Variants in IGFALS observed in about 807,000 individuals in gnomAD.
The protein encoded by IGFALS is insulin like growth factor binding protein acid labile subunit.
IGFALS carries 2 observed loss-of-function variants against 2.6 expected under a neutral mutation model. The ratio of observed to expected loss-of-function variants is 0.77; its 90% CI spans 0.32 to 2.44. IGFALS has a LOEUF of 2.44. IGFALS is among the 30% of genes most tolerant of loss of function. The pLI is 0.11. For synonymous variants in IGFALS, 519 were observed against 431.9 expected (o/e 1.20, Z -2.50); for missense variants, 996 against 848.7 (o/e 1.17, Z -2.16).
upstream of IGFALS, among the ~76,000 whole-genome samples, chr16:1,794,470 G>A (rs910112617): frequency 4.6e-5 from 7 of 152,156 alleles, no homozygotes; most frequent in African/African-American, 1.2e-4. Context: ...AGGCTCTGGT[G>A]AGGGCCTGGC....
At chr16:1,793,396 C>T (rs565704663) in intron 1 of IGFALS, among the ~76,000 whole-genome samples, 4 of 152,214 alleles carry the variant, frequency 2.6e-5, no homozygotes, top group South Asian at 4.1e-4. Flanking sequence ...TCCCCTGTGC[C>T]GCCGCCAGCG....
rs372565928 is a variant in IGFALS, at chr16:1,790,953, C to T, written c.1465G>A (p.Val489Ile). The part of the protein sequence containing the change: ...GPLQRAFWLD[V>I]SHNRLEALPN... ...AATGCCTCCAGGCGGTTGTGCGAGACGTCCAGCCAGAAGGCCCGCTGCAGG... is the reference window on the plus strand; with the variant it reads ...AATGCCTCCAGGCGGTTGTGCGAGATGTCCAGCCAGAAGGCCCGCTGCAGG... Residue 489 changes from valine to isoleucine, a missense_variant, in exon 2 of 2, where the codon GTC (valine) becomes ATC (isoleucine). Physicochemically the swap from Val to Ile is conservative, Grantham distance 29. Coordinates refer to ENST00000215539, the MANE Select transcript of IGFALS (RefSeq NM_004970.3). The T allele has an allele frequency of 1.3e-4, 208 of 1,595,970 alleles. No individual in the cohort carries two copies. The highest frequency in any genetic ancestry group is 1.7e-4 in the Middle Eastern group (1 of 5,760).
chr16:1,794,270 C>T (rs2575350), upstream of IGFALS, among the ~76,000 whole-genome samples: 3 of 152,184 alleles, frequency 2.0e-5, no homozygotes, highest in African/African-American at 4.8e-5. Flanking sequence ...CTGCCTCTCC[C>T]GTGACCCCAG....
chr16:1,791,999 C>G lies in IGFALS; in HGVS notation c.419G>C (p.Gly140Ala), dbSNP rs1430144646. Residue 140 changes from glycine (G) to alanine (A), a missense_variant, in exon 2 of 2, where the codon GGC (glycine) becomes GCC (alanine). Transcript: ENST00000215539. ...CAGCGCGGGCGTGTGTGCAAACGTG[C>G]CGAGTGCCAGGCTGCGCAGCTGGTT... ...ERNQLRSLAL[G>A]TFAHTPALAS... 6.2e-7 allele frequency: 1 copy of G among 1,608,528 alleles called. No homozygotes were observed. The highest frequency in any genetic ancestry group is 2.2e-5 in the East Asian group (1 of 44,758).
In IGFALS at chr16:1,791,190, A is replaced by G; in HGVS notation, c.1228T>C (p.Ser410Pro). 6.2e-7 allele frequency: 1 copy of G among 1,607,572 alleles called. No individual in the cohort carries two copies. The highest frequency in any genetic ancestry group is 8.5e-7 in the Non-Finnish European group (1 of 1,179,842). ...RIRPHTFTGL[S>P]GLRRLFLKDN... The stretch of plus-strand genomic sequence containing the variant: ...TTGAGGAAGAGTCGGCGGAGCCCCG[A>G]GAGGCCGGTGAAGGTGTGCGGGCGG... Residue 410 changes from serine (S) to proline (P), a missense_variant, in exon 2 of 2, where the codon TCG (serine) becomes CCG (proline). By Grantham distance (74) the Ser-to-Pro change is moderately conservative (BLOSUM62 -1). Transcript: ENST00000215539.
rs576120646 is a variant in IGFALS, at chr16:1,792,205, T to C, written c.213A>G (p.Gly71=). The change falls in exon 2 of 2, where the codon GGA becomes GGG. Residue 71 remains glycine (G), a synonymous_variant. Transcript: ENST00000215539. ...SSRNLTRLPD[G]VPGGTQALWL... Reference sequence around the variant, plus strand: ...ACAGGGCTTGGGTGCCGCCCGGGACTCCATCAGGCAGGCGCGTGAGGTTCC... The same window carrying C: ...ACAGGGCTTGGGTGCCGCCCGGGACCCCATCAGGCAGGCGCGTGAGGTTCC... The C allele has an allele frequency of 6.2e-7, 1 of 1,610,256 alleles. No individual in the cohort carries two copies. The highest frequency in any genetic ancestry group is 2.2e-5 in the East Asian group (1 of 44,842).
Position 1,792,247 on chromosome 16 carries a change from G to A in IGFALS, c.171C>T (p.Ser57=), listed in dbSNP as rs781635904. 1.9e-5 allele frequency: 31 copies of A among 1,603,624 alleles called. No individual in the cohort carries two copies. Among genetic ancestry groups the A allele is most frequent in the Admixed American group, 1.5e-4 (9 of 59,972 alleles). The part of the protein sequence containing the change: ...CSYDDDADEL[S]VFCSSRNLTR... ...TGAGGTTCCTGGAGCTGCAGAAGAC[G>A]CTGAGCTCATCCGCGTCGTCATCGT... The change falls in exon 2 of 2, where the codon AGC becomes AGT. Residue 57 remains serine (S), a synonymous_variant. Transcript: ENST00000215539.
Position 1,790,856 on chromosome 16 carries a change from A to G in IGFALS, c.1562T>C (p.Phe521Ser), listed in dbSNP as rs1897204699. 1 of 1,567,004 alleles carries G rather than the reference A, an allele frequency of 6.4e-7. No individual in the cohort carries two copies. The change falls in exon 2 of 2, where the codon TTC (phenylalanine) becomes TCC (serine). Residue 521 changes from phenylalanine (F) to serine (S), a missense_variant. By Grantham distance (155) the Phe-to-Ser change is radical. Transcript: ENST00000215539. ...LSLRNNSLRTFTPQPPGLERL... is the reference protein window; with the variant it reads ...LSLRNNSLRTSTPQPPGLERL... ...CTCCAGGCCCGGGGGCTGCGGCGTG[A>G]AGGTCCGCAGTGAGTTGTTCCTGAG... is the stretch of plus-strand genomic sequence containing the variant.
upstream of IGFALS, chr16:1,794,904 G>T (rs1478898586): frequency 2.8e-6 from 2 of 702,286 alleles, no homozygotes. Flanking sequence ...CCTTTATCGA[G>T]AATTGATCAT....
chr16:1,792,502 C>T (rs1407836750), intron 1 of IGFALS, 101 bp from the exon 2 acceptor site: 1 of 1,437,836 alleles, frequency 7.0e-7, no homozygotes, highest in Non-Finnish European at 9.1e-7. Flanking sequence ...TGAACTGAGG[C>T]TCGAGGTCAC....
chr16:1,792,123 T>C lies in IGFALS; in HGVS notation c.295A>G (p.Ser99Gly), dbSNP rs1226535830. The stretch of plus-strand genomic sequence containing the variant: ...CCCTGCAGGTTGAGGAAGCCCAGGC[T>C]GGAGAGGTTCTGGAAGGCTGCCGGG... ...VPPAAFQNLS[S>G]LGFLNLQGGQ... The change falls in exon 2 of 2, where the codon AGC becomes GGC. Residue 99 changes from serine to glycine, a missense_variant. Ser to Gly is a moderately conservative substitution (Grantham distance 56). Coordinates refer to ENST00000215539, the MANE Select transcript of IGFALS (RefSeq NM_004970.3). The C allele has an allele frequency of 6.2e-7, 1 of 1,611,442 alleles. No homozygotes were observed. Among genetic ancestry groups the C allele is most frequent in the Non-Finnish European group, 8.5e-7 (1 of 1,179,624 alleles).
At chr16:1,792,524 C>G (rs771689441) in intron 1 of IGFALS, 123 bp from the exon 2 acceptor site, 6 of 1,430,024 alleles carry the variant, frequency 4.2e-6, no homozygotes, top group Non-Finnish European at 5.5e-6. Flanking sequence ...CGCTGAGATG[C>G]GAAGAAGCCG....
At chr16:1,792,785 T>C (rs1897263927) in intron 1 of IGFALS, among the ~76,000 whole-genome samples, 1 of 152,190 alleles carries the variant, frequency 6.6e-6, no homozygotes, top group Admixed American at 6.5e-5. Context: ...AACTGAGCCA[T>C]TGGCCAAGGT....
At chr16:1,793,103 GCCC>G (rs1002007655) in intron 1 of IGFALS, among the ~76,000 whole-genome samples, 2 of 152,152 alleles carry the variant, frequency 1.3e-5, no homozygotes, top group East Asian at 3.9e-4. Flanking sequence ...CTACTGTATG[GCCC>G]CCCCATCCTC....
intron 1 of IGFALS, among the ~76,000 whole-genome samples, chr16:1,792,789 C>T (rs1312371513): frequency 6.6e-6 from 1 of 152,226 alleles, no homozygotes; most frequent in Non-Finnish European, 1.5e-5. Flanking sequence ...GAGCCATTGG[C>T]CAAGGTCCGG....
chr16:1,792,739 G>A (rs1405627592), intron 1 of IGFALS, among the ~76,000 whole-genome samples: 1 of 152,270 alleles, frequency 6.6e-6, no homozygotes, highest in Non-Finnish European at 1.5e-5. Flanking sequence ...CTTGAGCCAG[G>A]CCAGTCTGCC....
chr16:1,792,534 G>T, intron 1 of IGFALS, 133 bp from the exon 2 acceptor site: 1 of 1,425,092 alleles, frequency 7.0e-7, no homozygotes, highest in South Asian at 1.5e-5. Flanking sequence ...CGAAGAAGCC[G>T]GTGAGCCCCA....
At chr16:1,794,003 G>A (rs780820256), upstream of IGFALS, among the ~76,000 whole-genome samples, 2 of 152,160 alleles carry the variant, frequency 1.3e-5, no homozygotes, top group Non-Finnish European at 2.9e-5. Context: ...CCTGGGAGGG[G>A]CTGGGGCTTG....
At position 1,790,899 on chromosome 16, in the gene IGFALS, G is replaced by A. The variant is rs1453837251; in HGVS notation, c.1519C>T (p.Arg507Trp). 5.7e-6 allele frequency: 9 copies of A among 1,578,924 alleles called. No homozygotes were observed. Among genetic ancestry groups the A allele is most frequent in the African/African-American group, 4.0e-5 (3 of 74,332 alleles). Residue 507 changes from arginine to tryptophan, a missense_variant, in exon 2 of 2, where the codon CGG becomes TGG. Coordinates refer to ENST00000215539, the MANE Select transcript of IGFALS (RefSeq NM_004970.3). ...TTCCTGAGGCTGAGGTAGCGCAGCC[G>A]CCCCAGTGGTGCCAAGAGGCTGTTG... ...LPNSLLAPLG[R>W]LRYLSLRNNS...
Sources: gnomAD v4.1 joint callset for allele counts (sites outside exome capture counted in the v4.1 genomes callset) on GRCh38, gnomAD v4.1.1 for gene constraint, MANE v1.5 for transcripts, NCBI Gene and HGNC (gene_info 2026-07-23, HGNC 2026-07-21) for gene names.